CHP1: variants seen among roughly 807,000 people sequenced by gnomAD.
CHP1 encodes the protein calcineurin like EF-hand protein 1.
A neutral mutation model predicts 27.4 loss-of-function variants in CHP1; 11 were observed. That is an observed-to-expected ratio of 0.40 (90% confidence interval 0.25 to 0.67). The LOEUF is 0.67. CHP1 is among the 30% of genes least tolerant of loss of function. The pLI is 0.38. For synonymous variants in CHP1, 89 were observed against 87.4 expected, an observed-to-expected ratio of 1.02 and a Z score of -0.10; for missense variants, 169 against 251.3, an observed-to-expected ratio of 0.67 and a Z score of 2.22.
Position 41,236,657 on chromosome 15 carries a change from A to G in CHP1, c.67+5208A>G, listed in dbSNP as rs118178328. 1.6e-4 allele frequency among the ~76,000 whole-genome samples: 25 copies of G among 152,282 alleles called. No individual in the cohort carries two copies. In the East Asian group the frequency reaches 4.8e-3, roughly 29 times the overall value. On this transcript the variant is annotated intron_variant, in intron 1 of 6. Transcript: ENST00000334660. ...ATAATTGACCCCAGCAGCAGCTGCG[A>G]AGATATAAGCTTTATTTTTGTAAAT...
At chr15:41,264,256 T>A (rs1302816312) in intron 4 of CHP1, 4 of 1,270,360 alleles carry the variant, frequency 3.1e-6, no homozygotes, top group South Asian at 1.3e-5. Context: ...CCCCTCACTT[T>A]GATAAGTCAG....
intron 4 of CHP1, among the ~76,000 whole-genome samples, chr15:41,263,559 A>C (rs1345511210): frequency 6.6e-6 from 1 of 152,170 alleles, no homozygotes; most frequent in Non-Finnish European, 1.5e-5. Flanking sequence ...ATTCAGTACA[A>C]GTTGAAATTA....
rs2047545934 is a variant in CHP1, at chr15:41,281,528, G to A, written c.*2139G>A. ...CTTGCTTGCTTGTTTCCTTGCTTTG[G>A]AAAACTATTGAAGATTGCTAAAAAA... is the stretch of plus-strand genomic sequence containing the variant. On this transcript the variant is annotated 3_prime_UTR_variant, in exon 7 of 7. Coordinates refer to ENST00000334660, the MANE Select transcript of CHP1 (RefSeq NM_007236.5). 3 of 152,626 alleles carry A rather than the reference G, an allele frequency of 2.0e-5. No homozygotes were observed. The highest frequency in any genetic ancestry group is 2.0e-4 in the Admixed American group (3 of 15,274). 9.5% of individuals were successfully genotyped at this position (152,626 alleles called of 1,614,324 possible).
At chr15:41,232,208 ATTTTTTTTT>A (rs541011609) in intron 1 of CHP1, among the ~76,000 whole-genome samples, 3 of 131,624 alleles carry the variant, frequency 2.3e-5, no homozygotes, top group Non-Finnish European at 3.2e-5. Context: ...CTAGGAACTG[ATTTTTTTTT>A]TTTTTTTTTT....
At chr15:41,270,510 G>T (rs1285317241) in intron 4 of CHP1, 47 bp from the exon 5 acceptor site, 4 of 1,409,764 alleles carry the variant, frequency 2.8e-6, no homozygotes, top group African/African-American at 1.4e-5. Flanking sequence ...TTGAGAAGGG[G>T]CAACACACTA....
chr15:41,243,657 T>G lies in CHP1; in HGVS notation c.68-10T>G, dbSNP rs765758023. On this transcript the variant is annotated splice_polypyrimidine_tract_variant and intron_variant, in intron 1 of 6. Coordinates refer to ENST00000334660, the MANE Select transcript of CHP1 (RefSeq NM_007236.5). ...TTCCCCCGAGCTGGGACTAATTTTG[T>G]GCTCTTTAGTTTCCCACAGTCAAAT... 5.6e-6 allele frequency: 9 copies of G among 1,613,666 alleles called. No homozygotes were observed. The highest frequency in any genetic ancestry group is 8.5e-7 in the Non-Finnish European group (1 of 1,179,736).
chr15:41,247,695 G>C (rs781275944), intron 2 of CHP1, among the ~76,000 whole-genome samples: 1 of 149,088 alleles, frequency 6.7e-6, no homozygotes, highest in Non-Finnish European at 1.5e-5. Context: ...AAATAGGGCC[G>C]GGCGCGGTGG....
chr15:41,274,024 G>A lies in CHP1; in HGVS notation c.411+3406G>A, dbSNP rs555800182. On this transcript the variant is annotated intron_variant, in intron 5 of 6. Coordinates refer to ENST00000334660, the MANE Select transcript of CHP1 (RefSeq NM_007236.5). ...CGCTCGGGCTGGAGTGCAATGGCGC[G>A]ATCTCAACTCACTGCAACCTCCGCC... is the stretch of plus-strand genomic sequence containing the variant. Among the ~76,000 whole-genome samples the A allele has an allele frequency of 1.1e-3, 171 of 151,396 alleles. 1 individual carries two copies. Among genetic ancestry groups the A allele is most frequent in the Non-Finnish European group, 1.8e-3 (124 of 67,832 alleles).
At chr15:41,272,020 C>T (rs930271169) in intron 5 of CHP1, among the ~76,000 whole-genome samples, 4 of 152,188 alleles carry the variant, frequency 2.6e-5, no homozygotes, top group African/African-American at 9.7e-5. Flanking sequence ...AGCCACCACG[C>T]CCGGCCCATG....
At chr15:41,266,086 C>T (rs2047458632) in intron 4 of CHP1, among the ~76,000 whole-genome samples, 1 of 152,102 alleles carries the variant, frequency 6.6e-6, no homozygotes. Flanking sequence ...GAGTTCGAGA[C>T]CAGCCTGACC....
intron 5 of CHP1, among the ~76,000 whole-genome samples, chr15:41,278,000 A>G (rs1333110440): frequency 2.6e-5 from 4 of 151,852 alleles, no homozygotes; most frequent in Non-Finnish European, 5.9e-5. Context: ...AACATGGAAA[A>G]GGTACAGTAA....
At chr15:41,249,429 C>CAGATGTGT (rs150543496) in intron 2 of CHP1, among the ~76,000 whole-genome samples, 3,188 of 148,468 alleles carry the variant, frequency 0.021, 130 homozygotes, top group African/African-American at 0.074. Flanking sequence ...GCTGGGACTA[C>CAGATGTGT]AGATGTGTGC....
In CHP1 at chr15:41,278,876, C is replaced by T. The variant is rs2047532242; in HGVS notation, c.521C>T (p.Thr174Ile). ...GATGGGGACAGTGCCATATCTTTCACAGAATTTGTTAAGGTTGGTCACTTA... is the reference window on the plus strand; with the variant it reads ...GATGGGGACAGTGCCATATCTTTCATAGAATTTGTTAAGGTTGGTCACTTA... ...DQDGDSAISF[T>I]EFVKVLEKVD... is the part of the protein sequence containing the mutation. Residue 174 changes from threonine (T) to isoleucine (I), a missense_variant, in exon 6 of 7, where the codon ACA (threonine) becomes ATA (isoleucine). Physicochemically the swap from Thr to Ile is moderately conservative, Grantham distance 89. Transcript: ENST00000334660. The T allele has an allele frequency of 6.2e-7, 1 of 1,614,106 alleles. No homozygotes were observed. Among genetic ancestry groups the T allele is most frequent in the Non-Finnish European group, 8.5e-7 (1 of 1,180,014 alleles).
At chr15:41,267,915 G>A (rs2047469720) in intron 4 of CHP1, among the ~76,000 whole-genome samples, 2 of 143,646 alleles carry the variant, frequency 1.4e-5, no homozygotes, top group African/African-American at 5.4e-5. Flanking sequence ...GTGACAGAGT[G>A]AGGCCCTATC....
Position 41,240,938 on chromosome 15 carries a change from C to T in CHP1, c.68-2729C>T, listed in dbSNP as rs144284546. 7.6e-3 allele frequency among the ~76,000 whole-genome samples: 1,149 copies of T among 151,202 alleles called. 13 individuals are homozygous for T. The highest frequency in any genetic ancestry group is 0.012 in the Non-Finnish European group (848 of 67,912). ...CGTGATCTCCGCTCACTGCAACCTT[C>T]GCCTCCCTGGTTCAAGTGATTCTCC... On this transcript the variant is annotated intron_variant, in intron 1 of 6. Transcript: ENST00000334660.
intron 3 of CHP1, among the ~76,000 whole-genome samples, chr15:41,261,306 TACC>T (rs1397254695): frequency 6.6e-6 from 1 of 151,668 alleles, no homozygotes; most frequent in Non-Finnish European, 1.5e-5. Context: ...AGGTGCCCAC[TACC>T]ACGTCCAGCT....
chr15:41,259,793 C>T (rs1358302402), intron 3 of CHP1, among the ~76,000 whole-genome samples: 1 of 152,144 alleles, frequency 6.6e-6, no homozygotes, highest in Non-Finnish European at 1.5e-5. Flanking sequence ...CCCTCTGTCT[C>T]CCAGGCTGGC....
intron 3 of CHP1, among the ~76,000 whole-genome samples, chr15:41,262,334 G>A (rs2047437886): frequency 6.6e-6 from 1 of 152,086 alleles, no homozygotes; most frequent in South Asian, 2.1e-4. Context: ...TTACTGCAGG[G>A]GAGATGGGGG....
chr15:41,277,959 A>T (rs1399529677), intron 5 of CHP1, among the ~76,000 whole-genome samples: 5 of 152,058 alleles, frequency 3.3e-5, no homozygotes, highest in African/African-American at 1.2e-4. Context: ...CTGTCTCAAA[A>T]AAAAAACCCA....
Sources: allele counts gnomAD v4.1 joint callset (sites outside exome capture counted in the v4.1 genomes callset), GRCh38; gene constraint gnomAD v4.1.1; transcripts MANE v1.5; gene names NCBI Gene and HGNC (gene_info 2026-07-23, HGNC 2026-07-21).